VEZT: variants seen among roughly 807,000 people sequenced by gnomAD.
VEZT encodes the protein vezatin.
A neutral mutation model predicts 79.9 loss-of-function variants in VEZT; 39 were observed. That is an observed-to-expected ratio of 0.49 (90% CI 0.38 to 0.64). The LOEUF (loss-of-function observed/expected upper bound fraction) is 0.64. Among genes scored for constraint, VEZT ranks in the 30% least tolerant of loss-of-function variants. The probability of loss-of-function intolerance (pLI) is 0.00; values close to 1 mark genes in which losing one functional copy is unlikely to be tolerated. For synonymous variants in VEZT, 325 were observed against 327.6 expected (o/e 0.99, Z 0.09); for missense variants, 837 against 893.1 (o/e 0.94, Z 0.80).
intron 7 of VEZT, among the ~76,000 whole-genome samples, chr12:95,278,727 T>C (rs2068318413): frequency 6.6e-6 from 1 of 152,198 alleles, no homozygotes. Flanking sequence ...AATTGTAGCC[T>C]GAGGAGACAT....
chr12:95,234,244 A>C (rs1324969370), intron 1 of VEZT, among the ~76,000 whole-genome samples: 1 of 151,994 alleles, frequency 6.6e-6, no homozygotes, highest in East Asian at 1.9e-4. Flanking sequence ...GTAAATTAAA[A>C]AACTGTTGCA....
At chr12:95,238,868 A>C (rs560163245) in intron 1 of VEZT, among the ~76,000 whole-genome samples, 1 of 152,368 alleles carries the variant, frequency 6.6e-6, no homozygotes, top group East Asian at 1.9e-4. Flanking sequence ...TTATCCAACA[A>C]TAAGAGACTG....
chr12:95,231,985 G>A (rs1483281088), intron 1 of VEZT, among the ~76,000 whole-genome samples: 1 of 152,082 alleles, frequency 6.6e-6, no homozygotes, highest in Non-Finnish European at 1.5e-5. Context: ...TTTATAATTT[G>A]TTAATAGTCT....
intron 11 of VEZT, among the ~76,000 whole-genome samples, chr12:95,298,343 G>C (rs764749296): frequency 6.6e-6 from 1 of 152,108 alleles, no homozygotes; most frequent in Non-Finnish European, 1.5e-5. Context: ...GCATATAGCA[G>C]AGAAGGGAAA....
intron 6 of VEZT, among the ~76,000 whole-genome samples, chr12:95,270,766 A>G (rs934360673): frequency 6.6e-6 from 1 of 152,244 alleles, no homozygotes; most frequent in Non-Finnish European, 1.5e-5. Flanking sequence ...ATCAGACATC[A>G]TCTAGCATAC....
chr12:95,288,170 G>A (rs1027900769), intron 9 of VEZT, among the ~76,000 whole-genome samples: 2 of 152,078 alleles, frequency 1.3e-5, no homozygotes, highest in Non-Finnish European at 2.9e-5. Context: ...CTCTTTTTCA[G>A]TTAGGATAAT....
At chr12:95,253,370 C>G (rs2062926047) in intron 2 of VEZT, among the ~76,000 whole-genome samples, 1 of 152,138 alleles carries the variant, frequency 6.6e-6, no homozygotes, top group Non-Finnish European at 1.5e-5. Context: ...GTCTAGTAAA[C>G]ACTAGAGAAT....
chr12:95,259,124 T>C (rs957961998), intron 3 of VEZT, among the ~76,000 whole-genome samples: 1 of 151,898 alleles, frequency 6.6e-6, no homozygotes, highest in Admixed American at 6.5e-5. Flanking sequence ...AGTCTTCATT[T>C]TCCTTTATTC....
intron 1 of VEZT, among the ~76,000 whole-genome samples, chr12:95,244,988 T>G (rs1443445008): frequency 1.3e-5 from 2 of 152,072 alleles, no homozygotes; most frequent in African/African-American, 4.8e-5. Flanking sequence ...ATCCCAGCAC[T>G]TTGGGAGTCT....
In VEZT at chr12:95,296,084, G is replaced by A; in HGVS notation, c.1657G>A (p.Asp553Asn). Residue 553 changes from aspartate (D) to asparagine (N), a missense_variant, in exon 11 of 12, where the codon GAT (aspartate) becomes AAT (asparagine). By Grantham distance (23) the Asp-to-Asn change is conservative. Transcript: ENST00000436874. The stretch of plus-strand genomic sequence containing the variant: ...AGCTTATGTAGATGATATAGATATT[G>A]ATAGTGATTTCAGAAAGGATGATTT... ...LEAYVDDIDI[D>N]SDFRKDDFYY... 1 of 1,556,772 alleles carries A rather than the reference G, an allele frequency of 6.4e-7. No homozygotes were observed. The highest frequency in any genetic ancestry group is 1.2e-5 in the South Asian group (1 of 84,332).
rs117230064 is a variant in VEZT, at chr12:95,292,017, C to G, written c.1523-2255C>G. Among the ~76,000 whole-genome samples, 1,436 of 152,262 alleles carry G rather than the reference C, an allele frequency of 9.4e-3. 8 individuals are homozygous for G. The highest frequency in any genetic ancestry group is 0.015 in the Non-Finnish European group (1,047 of 68,030). ...TTTTCGTCATGTTGGCCAGGCTGGT[C>G]TCCAACTCCTAACCTCAAGTGATCA... On this transcript the variant is annotated intron_variant, in intron 9 of 11. Transcript: ENST00000436874.
At chr12:95,267,579 C>T (rs1396969670) in intron 5 of VEZT, among the ~76,000 whole-genome samples, 1 of 152,132 alleles carries the variant, frequency 6.6e-6, no homozygotes, top group Non-Finnish European at 1.5e-5. Context: ...GAACATTACA[C>T]AATCTTGAGA....
Position 95,278,009 on chromosome 12 carries a change from A to G in VEZT, c.996+3120A>G, listed in dbSNP as rs80008906. Among the ~76,000 whole-genome samples the G allele has an allele frequency of 3.0e-3, 451 of 152,354 alleles. 4 individuals carry two copies. The South Asian group carries it at 0.037, about 12-fold the overall frequency. ...TCTAGCTTAAGTATAGGCAGCAAAG[A>G]GAAGTTGTGGACCCTGTGGAGTCAG... On this transcript the variant is annotated intron_variant, in intron 7 of 11. Coordinates refer to ENST00000436874, the MANE Select transcript of VEZT (RefSeq NM_017599.4).
chr12:95,247,974 G>C (rs1454630262), intron 1 of VEZT, among the ~76,000 whole-genome samples: 1 of 152,154 alleles, frequency 6.6e-6, no homozygotes, highest in Non-Finnish European at 1.5e-5. Flanking sequence ...ATTCACCTCA[G>C]TCTCCAAAGG....
rs1224653940 is a variant in VEZT, at chr12:95,300,323, T to G, written c.1990T>G (p.Leu664Val). The G allele has an allele frequency of 6.2e-7, 1 of 1,610,812 alleles. No individual in the cohort carries two copies. Among genetic ancestry groups the G allele is most frequent in the Non-Finnish European group, 8.5e-7 (1 of 1,178,382 alleles). Residue 664 changes from leucine to valine, a missense_variant, in exon 12 of 12, where the codon TTA (leucine) becomes GTA (valine). Leu to Val is a conservative substitution (Grantham distance 32). Coordinates refer to ENST00000436874, the MANE Select transcript of VEZT (RefSeq NM_017599.4). ...TDNEISRTEY[L>V]CENSLEGKNK... ...CAATGAAATAAGTAGGACTGAGTAT[T>G]TATGTGAAAACTCTCTAGAAGGTAA...
intron 1 of VEZT, among the ~76,000 whole-genome samples, chr12:95,236,020 T>A (rs1593190615): frequency 6.7e-6 from 1 of 149,798 alleles, no homozygotes; most frequent in Admixed American, 6.6e-5. Flanking sequence ...CCAGACGGGG[T>A]GGCGGCTGGG....
intron 3 of VEZT, among the ~76,000 whole-genome samples, chr12:95,260,141 T>C (rs1183870975): frequency 1.4e-5 from 2 of 145,894 alleles, no homozygotes; most frequent in East Asian, 4.2e-4. Context: ...AGTCTCCTTC[T>C]ATTTTTCAGG....
rs1270514076 is a variant in VEZT at position 95,294,364 on chromosome 12, G to A, written c.1615G>A (p.Glu539Lys). 6.3e-7 allele frequency: 1 copy of A among 1,577,100 alleles called. No individual in the cohort carries two copies. Among genetic ancestry groups the A allele is most frequent in the Non-Finnish European group, 8.6e-7 (1 of 1,160,682 alleles). ...LHIADKDPIP[E>K]EQELEAYVDD... is the part of the protein sequence containing the mutation. ...CATTGCAGACAAAGATCCAATCCCA[G>A]AGGAGCAGGTAAGGGTGAAAATTAC... Residue 539 changes from glutamate to lysine, a missense_variant, in exon 10 of 12, where the codon GAG becomes AAG. Glu to Lys is a moderately conservative substitution (Grantham distance 56). Transcript: ENST00000436874.
At chr12:95,253,152 T>C (rs1160318553) in intron 2 of VEZT, among the ~76,000 whole-genome samples, 5 of 152,170 alleles carry the variant, frequency 3.3e-5, no homozygotes, top group African/African-American at 7.2e-5. Flanking sequence ...ACCAAAGGAA[T>C]TGTAATTTAA....
Sources: gnomAD v4.1 joint callset for allele counts (sites outside exome capture counted in the v4.1 genomes callset) on GRCh38, gnomAD v4.1.1 for gene constraint, MANE v1.5 for transcripts, NCBI Gene and HGNC (gene_info 2026-07-23, HGNC 2026-07-21) for gene names.